The following TNXB variants were observed in gnomAD, a reference collection of about 807,000 sequenced individuals.
The protein encoded by TNXB is tenascin XB, also known as tenascin-X.
In TNXB, 183 loss-of-function variants were observed where a neutral mutation model predicts 340.5. The observed-to-expected ratio is 0.54, with a 90% confidence interval of 0.48 to 0.61. The LOEUF (loss-of-function observed/expected upper bound fraction) is 0.61. TNXB is among the 20% of genes least tolerant of loss of function. The pLI is 0.00. For synonymous variants in TNXB, 2,121 were observed against 2,314.5 expected, an observed-to-expected ratio of 0.92 and a Z score of 2.40; for missense variants, 4,613 against 5,446.4, an observed-to-expected ratio of 0.85 and a Z score of 4.82.
chr6:32,070,432 T>C lies in TNXB; in HGVS notation c.4991-18A>G. 6.4e-7 allele frequency: 1 copy of C among 1,554,436 alleles called. No individual in the cohort carries two copies. Among genetic ancestry groups the C allele is most frequent in the South Asian group, 1.2e-5 (1 of 83,978 alleles). Reference sequence around the variant, plus strand: ...TCGGGCAACTGGAGAGGAAAGGTTCTTGTGTTTATTTTTTCCAAAACGACT... The same window carrying C: ...TCGGGCAACTGGAGAGGAAAGGTTCCTGTGTTTATTTTTTCCAAAACGACT... On this transcript the variant is annotated intron_variant, in intron 13 of 43. Transcript: ENST00000644971. This position sits in a 1 kb window ranked among gnomAD's most constrained non-coding sequence, Gnocchi z 6.0.
chr6:32,104,097 G>A (rs529378021), intron 1 of TNXB, among the ~76,000 whole-genome samples: 1 of 152,100 alleles, frequency 6.6e-6, no homozygotes, highest in African/African-American at 2.4e-5. Context: ...ATGAGGCTCT[G>A]CAACACTTGA....
Position 32,072,074 on chromosome 6 carries a change from C to T in TNXB, c.4906G>A (p.Glu1636Lys), listed in dbSNP as rs755161052. The change falls in exon 13 of 44, where the codon GAA becomes AAA. Residue 1636 changes from glutamate (E) to lysine (K), a missense_variant. This residue lies in a region of TNXB where 4,327 missense variants were observed against 4,859.4 expected (regional missense o/e 0.89). Coordinates refer to ENST00000644971, the MANE Select transcript of TNXB (RefSeq NM_001365276.2). The surrounding 1 kb of genome is among the most constrained non-coding windows in gnomAD (Gnocchi z 4.4). ...AGGAACTTGTACTTGCGGGAGGGTT[C>T]CAGGTCAGGGATAGTGACCTCCCGC... is the stretch of plus-strand genomic sequence containing the variant. ...DQREVTIPDL[E>K]PSRKYKFLLF... The T allele has an allele frequency of 6.2e-7, 1 of 1,612,930 alleles. No homozygotes were observed. The highest frequency in any genetic ancestry group is 8.5e-7 in the Non-Finnish European group (1 of 1,179,466).
Position 32,052,615 on chromosome 6 carries a change from C to T in TNXB, c.9115+55G>A. 5 of 1,587,172 alleles carry T rather than the reference C, an allele frequency of 3.2e-6. No individual in the cohort carries two copies. Among genetic ancestry groups the T allele is most frequent in the East Asian group, 2.3e-5 (1 of 44,344 alleles). ...TATGTTTTCACGAAGACTGGAGAGA[C>T]AGCAGTGTCTTCCAGGGCCATCTTC... On this transcript the variant is annotated intron_variant, in intron 26 of 43. Transcript: ENST00000644971. This position sits in a 1 kb window ranked among gnomAD's most constrained non-coding sequence, Gnocchi z 4.7.
Position 32,067,519 on chromosome 6 carries a change from A to T in TNXB, c.6544+142T>A. ...TCCTGGATTTGCTCTCTCTGTCCCC[A>T]GATCACACCTGTCCTGAGCCTTTAG... On this transcript the variant is annotated intron_variant, in intron 18 of 43. Transcript: ENST00000644971. This position sits in a 1 kb window ranked among gnomAD's most constrained non-coding sequence, Gnocchi z 4.2. 8.3e-7 allele frequency: 1 copy of T among 1,209,932 alleles called. No individual in the cohort carries two copies. Among genetic ancestry groups the T allele is most frequent in the Non-Finnish European group, 1.1e-6 (1 of 904,596 alleles). The allele number at this position is 1,209,932 out of a possible 1,614,324, so 74.9% of individuals were successfully genotyped here.
rs763887854 is a variant in TNXB at position 32,069,586 on chromosome 6, G to A, written c.5554C>T (p.Arg1852Cys). The A allele has an allele frequency of 5.0e-6, 8 of 1,592,406 alleles. No homozygotes were observed. The Admixed American group carries it at 6.8e-5, about 14-fold the overall frequency. The change falls in exon 15 of 44, where the codon CGT becomes TGT. Residue 1852 changes from arginine to cysteine, a missense_variant. By Grantham distance (180) the Arg-to-Cys change is radical (BLOSUM62 -3). Coordinates refer to ENST00000644971, the MANE Select transcript of TNXB (RefSeq NM_001365276.2). The surrounding 1 kb of genome is among the most constrained non-coding windows in gnomAD (Gnocchi z 6.2). ...GCGACGGCCGAGATGGGGCCCACAC[G>A]CTTGCCGTGGTGCAGCCCGTAGAGC... ...LLLYGLHHGKRVGPISAVAIT... is the reference protein window; with the variant it reads ...LLLYGLHHGKCVGPISAVAIT...
intron 6 of TNXB, among the ~76,000 whole-genome samples, chr6:32,088,320 C>G (rs1779910588): frequency 6.6e-6 from 1 of 152,116 alleles, no homozygotes; most frequent in Non-Finnish European, 1.5e-5. Flanking sequence ...AGAAAAATAT[C>G]CAGGTATCTG....
Position 32,097,811 on chromosome 6 carries a change from C to T in TNXB, c.388G>A (p.Ala130Thr), listed in dbSNP as rs771337502. The T allele has an allele frequency of 1.3e-6, 2 of 1,504,084 alleles. No individual in the cohort carries two copies. Among genetic ancestry groups the T allele is most frequent in the South Asian group, 2.8e-5 (2 of 72,278 alleles). 93.2% of individuals were successfully genotyped at this position (1,504,084 alleles called of 1,614,324 possible). ...QCTGGCCPASAQAGTGQTDVR... is the reference protein window; with the variant it reads ...QCTGGCCPASTQAGTGQTDVR... ...ACCTGCTCACCTGTGCCAGCTTGGG[C>T]AGAGGCAGGACAACATCCCCCAGTG... Residue 130 changes from alanine to threonine, a missense_variant, in exon 2 of 44, where the codon GCC becomes ACC. Transcript: ENST00000644971. The surrounding 1 kb of genome is among the most constrained non-coding windows in gnomAD (Gnocchi z 5.9).
intron 1 of TNXB, among the ~76,000 whole-genome samples, chr6:32,102,418 CAG>C (rs1018014890): frequency 2.0e-5 from 3 of 152,090 alleles, no homozygotes; most frequent in Admixed American, 6.6e-5. Flanking sequence ...TAAATTGTGC[CAG>C]AGTCATACAA....
At position 32,052,920 on chromosome 6, in the gene TNXB, C is replaced by G; in HGVS notation, c.8865G>C (p.Leu2955=). 1.9e-6 allele frequency: 3 copies of G among 1,612,786 alleles called. No homozygotes were observed. The highest frequency in any genetic ancestry group is 2.2e-5 in the East Asian group (1 of 44,876). ...EAPEPPEEPL[L]GELTVTGSSP... is the part of the protein sequence containing the mutation. ...AGGATCCTGTCACTGTCAGCTCCCC[C>G]AGGAGCGGCTCCTCAGGGGGCTCCG... The change falls in exon 26 of 44, where the codon CTG becomes CTC. Residue 2955 remains leucine, a synonymous_variant. Transcript: ENST00000644971. This position sits in a 1 kb window ranked among gnomAD's most constrained non-coding sequence, Gnocchi z 4.7.
In TNXB at chr6:32,070,730, A is replaced by T. The variant is rs1778724742; in HGVS notation, c.4991-316T>A. 1.3e-5 allele frequency among the ~76,000 whole-genome samples: 2 copies of T among 152,084 alleles called. No individual in the cohort carries two copies. The highest frequency in any genetic ancestry group is 4.8e-5 in the African/African-American group (2 of 41,406). On this transcript the variant is annotated intron_variant, in intron 13 of 43. Coordinates refer to ENST00000644971, the MANE Select transcript of TNXB (RefSeq NM_001365276.2). The surrounding 1 kb of genome is among the most constrained non-coding windows in gnomAD (Gnocchi z 6.0). The stretch of plus-strand genomic sequence containing the variant: ...CCCAGCAGGGTGCAGCTTCTTACAG[A>T]CTGGGTCTCTATCTCCTCTTACCCA...
chr6:32,095,697 C>T lies in TNXB; in HGVS notation c.2156G>A (p.Cys719Tyr). The T allele has an allele frequency of 6.2e-7, 1 of 1,614,058 alleles. No homozygotes were observed. The highest frequency in any genetic ancestry group is 8.5e-7 in the Non-Finnish European group (1 of 1,179,896). The change falls in exon 3 of 44, where the codon TGC becomes TAC. Residue 719 changes from cysteine (C) to tyrosine (Y), a missense_variant. Around this residue, in one of 7 missense-constraint regions of TNXB, gnomAD observed 4,327 missense variants for 4,859.4 expected, o/e 0.89. Coordinates refer to ENST00000644971, the MANE Select transcript of TNXB (RefSeq NM_001365276.2). ...TCCTCGGCCACGGCAGTCCCCTGGG[C>T]ATGTCTGGATGGCACAGTCAGGGCC... is the stretch of plus-strand genomic sequence containing the variant. ...FRGPDCAIQT[C>Y]PGDCRGRGEC...
rs766236096 is a variant in TNXB at position 32,064,891 on chromosome 6, C to T, written c.6771G>A (p.Lys2257=). Reference sequence around the variant, plus strand: ...GGAAGCCGTACAGGTTCATCTTGTACTTGTGGTCTGGCTCCAGGCCCGAGA... The same window carrying T: ...GGAAGCCGTACAGGTTCATCTTGTATTTGTGGTCTGGCTCCAGGCCCGAGA... ...VTISGLEPDH[K]YKMNLYGFHG... is the part of the protein sequence containing the mutation. The change falls in exon 19 of 44, where the codon AAG becomes AAA. Residue 2257 remains lysine (K), a synonymous_variant. Coordinates refer to ENST00000644971, the MANE Select transcript of TNXB (RefSeq NM_001365276.2). This position sits in a 1 kb window ranked among gnomAD's most constrained non-coding sequence, Gnocchi z 5.3. 1.9e-6 allele frequency: 3 copies of T among 1,612,724 alleles called. No individual in the cohort carries two copies. Among genetic ancestry groups the T allele is most frequent in the South Asian group, 1.1e-5 (1 of 91,066 alleles).
rs376344484 is a variant in TNXB, at chr6:32,049,282, C to T, written c.9745G>A (p.Val3249Met). The change falls in exon 28 of 44, where the codon GTG (valine) becomes ATG (methionine). Residue 3249 changes from valine to methionine, a missense_variant. By Grantham distance (21) the Val-to-Met change is conservative. Around this residue, in one of 7 missense-constraint regions of TNXB, gnomAD observed 4,327 missense variants for 4,859.4 expected, o/e 0.89. Coordinates refer to ENST00000644971, the MANE Select transcript of TNXB (RefSeq NM_001365276.2). This position sits in a 1 kb window ranked among gnomAD's most constrained non-coding sequence, Gnocchi z 4.5. Reference protein sequence around the residue: ...EGQRVGPVSTVGITAPLPTPL... With the variant: ...EGQRVGPVSTMGITAPLPTPL... The stretch of plus-strand genomic sequence containing the variant: ...TCCCCCCACTCACCCGTGATGCCCA[C>T]GGTGGACACTGGGCCCACGCGCTGC... The T allele has an allele frequency of 1.7e-5, 28 of 1,610,766 alleles. No individual in the cohort carries two copies. Among genetic ancestry groups the T allele is most frequent in the Admixed American group, 1.3e-4 (8 of 59,934 alleles).
At chr6:32,107,344 T>C (rs1781034703) in intron 1 of TNXB, among the ~76,000 whole-genome samples, 2 of 152,246 alleles carry the variant, frequency 1.3e-5, no homozygotes, top group Admixed American at 6.5e-5. Flanking sequence ...GAGATTGGTC[T>C]AGAAGAGCAG....
rs773841818 is a variant in TNXB at position 32,052,663 on chromosome 6, TACTC to T, written c.9115+3_9115+6del. ...TTCCCCACCTCGCCTCACTCACACT[TACTC>T]ACCTGTCACACCCACAGCGGACACT... is the stretch of plus-strand genomic sequence containing the variant. On this transcript the variant is annotated splice_donor_5th_base_variant and intron_variant, in intron 26 of 43. Transcript: ENST00000644971. This position sits in a 1 kb window ranked among gnomAD's most constrained non-coding sequence, Gnocchi z 4.7. 14 of 1,611,490 alleles carry T rather than the reference TACTC, an allele frequency of 8.7e-6. No homozygotes were observed. The highest frequency in any genetic ancestry group is 1.1e-5 in the Non-Finnish European group (13 of 1,178,328).
chr6:32,048,124 G>A, intron 29 of TNXB, 112 bp from the exon 30 acceptor site: 2 of 1,340,858 alleles, frequency 1.5e-6, no homozygotes, highest in Non-Finnish European at 2.0e-6. Flanking sequence ...GGGTGACTGG[G>A]CCAGGAGTAG....
chr6:32,068,103 T>A lies in TNXB; in HGVS notation c.6221-119A>T. 7.2e-7 allele frequency: 1 copy of A among 1,387,002 alleles called. No homozygotes were observed. The highest frequency in any genetic ancestry group is 1.4e-5 in the South Asian group (1 of 69,626). The allele number at this position is 1,387,002 out of a possible 1,614,324, so 85.9% of individuals were successfully genotyped here. A position where few individuals can be genotyped will look rare whatever the true frequency, so the allele number is the denominator to read the frequency against. ...GTTCAGAGAGGCCTACTCTTGGGGCTGGGTGGTCCTGCTCAGCTGACAGCT... is the reference window on the plus strand; with the variant it reads ...GTTCAGAGAGGCCTACTCTTGGGGCAGGGTGGTCCTGCTCAGCTGACAGCT... On this transcript the variant is annotated intron_variant, in intron 17 of 43. Coordinates refer to ENST00000644971, the MANE Select transcript of TNXB (RefSeq NM_001365276.2). This position sits in a 1 kb window ranked among gnomAD's most constrained non-coding sequence, Gnocchi z 5.3.
Position 32,096,901 on chromosome 6 carries a change from G to C in TNXB, c.952C>G (p.Arg318Gly). 3 of 1,601,070 alleles carry C rather than the reference G, an allele frequency of 1.9e-6. No individual in the cohort carries two copies. Among genetic ancestry groups the C allele is most frequent in the Non-Finnish European group, 2.6e-6 (3 of 1,175,218 alleles). The change falls in exon 3 of 44, where the codon CGG becomes GGG. Residue 318 changes from arginine to glycine, a missense_variant. Physicochemically the swap from Arg to Gly is moderately radical, Grantham distance 125 (BLOSUM62 -2). Transcript: ENST00000644971. ...VRSCPRGCSQRGRCKDGRCVC... is the reference protein window; with the variant it reads ...VRSCPRGCSQGGRCKDGRCVC... ...CAGCGCCCGTCCTTGCAGCGTCCCC[G>C]CTGGCTGCAGCCCCGAGGGCAGCTC... is the stretch of plus-strand genomic sequence containing the variant.
rs780494267 is a variant in TNXB, at chr6:32,073,754, C to T, written c.4574G>A (p.Arg1525Gln). 1.4e-5 allele frequency: 23 copies of T among 1,612,380 alleles called. No homozygotes were observed. The highest frequency in any genetic ancestry group is 9.9e-5 in the South Asian group (9 of 90,944). The change falls in exon 12 of 44, where the codon CGA becomes CAA. Residue 1525 changes from arginine (R) to glutamine (Q), a missense_variant. Arg to Gln is a conservative substitution (Grantham distance 43, BLOSUM62 1). Transcript: ENST00000644971. This position sits in a 1 kb window ranked among gnomAD's most constrained non-coding sequence, Gnocchi z 4.6. Reference protein sequence around the residue: ...PQVVPVAADQREVTVYNLEPE... With the variant: ...PQVVPVAADQQEVTVYNLEPE... The stretch of plus-strand genomic sequence containing the variant: ...CTCCAGGTTGTAGACTGTGACCTCT[C>T]GCTGGTCTGCCGCCACCGGCACCAC...
Sources: allele counts gnomAD v4.1 joint callset (sites outside exome capture counted in the v4.1 genomes callset), GRCh38; gene constraint gnomAD v4.1.1; regional missense constraint gnomAD v4.1.1; non-coding constraint Gnocchi (gnomAD v3.1); transcripts MANE v1.5; gene names NCBI Gene and HGNC (gene_info 2026-07-23, HGNC 2026-07-21).